The following TNK1 variants were observed in gnomAD, a reference collection of about 807,000 sequenced individuals.
TNK1 encodes tyrosine kinase non receptor 1.
TNK1 carries 53 observed loss-of-function variants against 65.2 expected under a neutral mutation model. That is an observed-to-expected ratio of 0.81 (90% CI 0.65 to 1.02). The LOEUF (loss-of-function observed/expected upper bound fraction) is 1.02, where lower values mean the gene tolerates loss of function less well. Ranked by LOEUF, TNK1 falls within the 50% of genes least tolerant of loss-of-function variation. TNK1 has a pLI of 0.00. For missense variants in TNK1, 837 were observed against 878.4 expected, an observed-to-expected ratio of 0.95 and a Z score of 0.60; for synonymous variants, 353 against 364.6, an observed-to-expected ratio of 0.97 and a Z score of 0.36.
rs1396364697 is a variant in TNK1, at chr17:7,382,604, G to A, written c.-91-232G>A. 6.6e-6 allele frequency among the ~76,000 whole-genome samples: 1 copy of A among 152,170 alleles called. No individual in the cohort carries two copies. The highest frequency in any genetic ancestry group is 1.5e-5 in the Non-Finnish European group (1 of 68,032). On this transcript the variant is annotated intron_variant, in intron 1 of 12. Transcript: ENST00000688331. The surrounding 1 kb of genome is among the most constrained non-coding windows in gnomAD (Gnocchi z 4.1). ...GGTGTCCGGGTGTGTGATGTGCCGT[G>A]ATATTTCAGAGTCAGGATGGTAACA...
rs757464729 is a variant in TNK1 at position 7,386,660 on chromosome 17, C to T, written c.1232+5C>T. The T allele has an allele frequency of 1.9e-6, 3 of 1,576,362 alleles. No homozygotes were observed. Among genetic ancestry groups the T allele is most frequent in the Non-Finnish European group, 2.6e-6 (3 of 1,160,436 alleles). Reference sequence around the variant, plus strand: ...CATCACAGTCATCGAGGGCAGGTGACAGTCCCATACCTCCCAAGCACCCTC... The same window carrying T: ...CATCACAGTCATCGAGGGCAGGTGATAGTCCCATACCTCCCAAGCACCCTC... On this transcript the variant is annotated splice_donor_5th_base_variant and intron_variant, in intron 8 of 12. Coordinates refer to ENST00000688331, the MANE Select transcript of TNK1 (RefSeq NM_003985.6).
chr17:7,387,277 T>C (rs748045697), intron 9 of TNK1, 101 bp from the exon 10 acceptor site: 8 of 1,497,580 alleles, frequency 5.3e-6, no homozygotes, highest in Non-Finnish European at 7.2e-6. Context: ...CCCTGGGCCC[T>C]GGGTCTCCTG....
chr17:7,388,479 A>C lies in TNK1; in HGVS notation c.1551A>C (p.Glu517Asp). ...RPTGGGSSPP[E>D]IRQARAVPQG... is the part of the protein sequence containing the mutation. ...CAGGGGGTGGTTCAAGCCCCCCTGAAATTCGACAAGCCAGAGCTGTGCCCC... is the reference window on the plus strand; with the variant it reads ...CAGGGGGTGGTTCAAGCCCCCCTGACATTCGACAAGCCAGAGCTGTGCCCC... Residue 517 changes from glutamate to aspartate, a missense_variant, in exon 11 of 13, where the codon GAA becomes GAC. Coordinates refer to ENST00000688331, the MANE Select transcript of TNK1 (RefSeq NM_003985.6). The surrounding 1 kb of genome is among the most constrained non-coding windows in gnomAD (Gnocchi z 4.5). 6.2e-7 allele frequency: 1 copy of C among 1,613,914 alleles called. No homozygotes were observed. The highest frequency in any genetic ancestry group is 8.5e-7 in the Non-Finnish European group (1 of 1,179,850).
chr17:7,389,428 G>A lies in TNK1; in HGVS notation c.*344G>A, dbSNP rs752706916. 1.4e-4 allele frequency: 63 copies of A among 459,068 alleles called. No individual in the cohort carries two copies. In the Middle Eastern group the frequency reaches 1.7e-3, roughly 12 times the overall value. The allele number at this position is 459,068 out of a possible 1,614,324, so 28.4% of individuals were successfully genotyped here. On this transcript the variant is annotated 3_prime_UTR_variant, in exon 13 of 13. Coordinates refer to ENST00000688331, the MANE Select transcript of TNK1 (RefSeq NM_003985.6). ...TCTACGCGCTAGAGAGGATCAAGGGGCCACACTGGACCATGTGAACAGCCA... is the reference window on the plus strand; with the variant it reads ...TCTACGCGCTAGAGAGGATCAAGGGACCACACTGGACCATGTGAACAGCCA...
intron 3 of TNK1, 41 bp from the exon 4 acceptor site, chr17:7,383,384 G>A: frequency 6.2e-7 from 1 of 1,613,890 alleles, no homozygotes; most frequent in Non-Finnish European, 8.5e-7. Context: ...AGGGAGGGGG[G>A]CGCAGGGCTC....
chr17:7,387,884 G>A (rs750816459), intron 10 of TNK1, among the ~76,000 whole-genome samples: 6 of 152,142 alleles, frequency 3.9e-5, no homozygotes, highest in Admixed American at 6.5e-5. Context: ...GATTACAGGC[G>A]TGAGACACTG....
rs765961361 is a variant in TNK1, at chr17:7,388,422, G to A, written c.1494G>A (p.Leu498=). The A allele has an allele frequency of 6.2e-7, 1 of 1,610,122 alleles. No individual in the cohort carries two copies. The highest frequency in any genetic ancestry group is 1.1e-5 in the South Asian group (1 of 90,832). ...LERMKGISRS[L]ESVLSLGPRP... is the part of the protein sequence containing the mutation. ...ACTGTGCAGGCATTTCCAGGAGTCTGGAGTCAGTTCTGTCCCTCGGTCCTC... is the reference window on the plus strand; with the variant it reads ...ACTGTGCAGGCATTTCCAGGAGTCTAGAGTCAGTTCTGTCCCTCGGTCCTC... Residue 498 remains leucine (L), a synonymous_variant, in exon 11 of 13, where the codon CTG becomes CTA. Coordinates refer to ENST00000688331, the MANE Select transcript of TNK1 (RefSeq NM_003985.6). This position sits in a 1 kb window ranked among gnomAD's most constrained non-coding sequence, Gnocchi z 4.5.
Position 7,386,633 on chromosome 17 carries a change from C to A in TNK1, c.1210C>A (p.Pro404Thr), listed in dbSNP as rs1325971285. The stretch of plus-strand genomic sequence containing the variant: ...CGCCCTGAGGATGGAGACTGGTGAC[C>A]CCATCACAGTCATCGAGGGCAGGTG... ...PGALRMETGD[P>T]ITVIEGSPDS... is the part of the protein sequence containing the mutation. Residue 404 changes from proline (P) to threonine (T), a missense_variant, in exon 8 of 13, where the codon CCC becomes ACC. Coordinates refer to ENST00000688331, the MANE Select transcript of TNK1 (RefSeq NM_003985.6). The A allele has an allele frequency of 6.3e-7, 1 of 1,597,840 alleles. No individual in the cohort carries two copies. Among genetic ancestry groups the A allele is most frequent in the South Asian group, 1.1e-5 (1 of 88,016 alleles).
chr17:7,384,781 C>T, intron 7 of TNK1, 27 bp downstream of exon 7: 4 of 1,554,764 alleles, frequency 2.6e-6, no homozygotes, highest in Non-Finnish European at 3.5e-6. Flanking sequence ...TCACCAGATA[C>T]ACAGTCCCTC....
rs527619972 is a variant in TNK1, at chr17:7,385,364, CA to C, written c.1137+624del. On this transcript the variant is annotated intron_variant, in intron 7 of 12. Transcript: ENST00000688331. The stretch of plus-strand genomic sequence containing the variant: ...TGGGCAAAAAGAGCGAACTCCGTCT[CA>C]AAAAAAAAAAAAAGAAGAAGAAGAA... 1.6e-3 allele frequency among the ~76,000 whole-genome samples: 205 copies of C among 130,638 alleles called. 2 individuals are homozygous for C. The highest frequency in any genetic ancestry group is 3.4e-3 in the African/African-American group (115 of 33,766). The allele number at this position is 130,638 out of a possible 152,430, so 85.7% of individuals were successfully genotyped here. A position where few individuals can be genotyped will look rare whatever the true frequency, so the allele number is the denominator to read the frequency against.
Position 7,383,990 on chromosome 17 carries a change from G to C in TNK1, c.603G>C (p.Leu201=). Residue 201 remains leucine (L), a synonymous_variant, in exon 6 of 13, where the codon CTG becomes CTC. Coordinates refer to ENST00000688331, the MANE Select transcript of TNK1 (RefSeq NM_003985.6). ...TGCAGGTGATGGAGCTGGCGCCACTGGGCTCCCTGCACGCGCGCCTAACGG... is the reference window on the plus strand; with the variant it reads ...TGCAGGTGATGGAGCTGGCGCCACTCGGCTCCCTGCACGCGCGCCTAACGG... ...PLQMVMELAP[L]GSLHARLTAP... 1 of 1,497,016 alleles carries C rather than the reference G, an allele frequency of 6.7e-7. No individual in the cohort carries two copies. The allele number at this position is 1,497,016 out of a possible 1,614,324, so 92.7% of individuals were successfully genotyped here.
Position 7,388,709 on chromosome 17 carries a change from G to C in TNK1, c.1776+5G>C. Reference sequence around the variant, plus strand: ...TTGCAGAGGAAGATTATGGAGGTGAGGTCTCACTGAAATGGCCTGGTGTCC... The same window carrying C: ...TTGCAGAGGAAGATTATGGAGGTGACGTCTCACTGAAATGGCCTGGTGTCC... On this transcript the variant is annotated splice_donor_5th_base_variant and intron_variant, in intron 11 of 12. Coordinates refer to ENST00000688331, the MANE Select transcript of TNK1 (RefSeq NM_003985.6). This position sits in a 1 kb window ranked among gnomAD's most constrained non-coding sequence, Gnocchi z 4.5. The C allele has an allele frequency of 6.2e-7, 1 of 1,611,504 alleles. No individual in the cohort carries two copies. Among genetic ancestry groups the C allele is most frequent in the Non-Finnish European group, 8.5e-7 (1 of 1,178,500 alleles).
chr17:7,386,518 C>A, intron 7 of TNK1, 43 bp from the exon 8 acceptor site: 1 of 1,495,702 alleles, frequency 6.7e-7, no homozygotes. Context: ...ACCTATCTGA[C>A]TCAGGCCACA....
rs868057068 is a variant in TNK1, at chr17:7,386,842, G to C, written c.1233-148G>C. 27 of 1,215,872 alleles carry C rather than the reference G, an allele frequency of 2.2e-5. No homozygotes were observed. In the African/African-American group the frequency reaches 4.0e-4, roughly 18 times the overall value. 75.3% of individuals were successfully genotyped at this position (1,215,872 alleles called of 1,614,324 possible). ...CTGCTGGAGCCACTGCTGGCCCATA[G>C]AGCCTTATTGCATTAGGGAAAAGGC... On this transcript the variant is annotated intron_variant, in intron 8 of 12. Transcript: ENST00000688331.
chr17:7,385,353 G>GA lies in TNK1; in HGVS notation c.1137+601dup, dbSNP rs560281686. On this transcript the variant is annotated intron_variant, in intron 7 of 12. Transcript: ENST00000688331. ...GCACTCCAGCCTGGGCAAAAAGAGC[G>GA]AACTCCGTCTCAAAAAAAAAAAAAA... 9.3e-3 allele frequency among the ~76,000 whole-genome samples: 1,153 copies of GA among 124,036 alleles called. 13 individuals are homozygous for GA. Among genetic ancestry groups the GA allele is most frequent in the African/African-American group, 0.03 (1,058 of 35,626 alleles). The allele number at this position is 124,036 out of a possible 152,430, so 81.4% of individuals were successfully genotyped here.
At chr17:7,385,091 G>C (rs1567646556) in intron 7 of TNK1, among the ~76,000 whole-genome samples, 1 of 152,286 alleles carries the variant, frequency 6.6e-6, no homozygotes, top group East Asian at 1.9e-4. Flanking sequence ...CAGGCCGGGC[G>C]CGGTGGCTCA....
intron 1 of TNK1, among the ~76,000 whole-genome samples, chr17:7,381,447 C>A (rs761996851): frequency 1.6e-4 from 25 of 152,180 alleles, no homozygotes; most frequent in Admixed American, 3.3e-4. Context: ...CAGGAGTGTG[C>A]TAGGGAAAGT....
chr17:7,386,939 C>A, intron 8 of TNK1, 51 bp from the exon 9 acceptor site: 1 of 1,497,720 alleles, frequency 6.7e-7, no homozygotes, highest in Non-Finnish European at 9.0e-7. Flanking sequence ...AGGGCCCAGC[C>A]CTAACTCTTG....
In TNK1 at chr17:7,384,754, G is replaced by A. The variant is rs1156742058; in HGVS notation, c.1137G>A (p.Glu379=). 6.4e-7 allele frequency: 1 copy of A among 1,572,316 alleles called. No individual in the cohort carries two copies. The highest frequency in any genetic ancestry group is 1.2e-5 in the South Asian group (1 of 86,200). Residue 379 remains glutamate, a splice_region_variant and synonymous_variant, in exon 7 of 13, where the codon GAG becomes GAA. Transcript: ENST00000688331. ...CCCACCTGGAGGGGCTGCTGCAAGA[G>A]GTGGGAACCCCCGACCTCACCAGAT... ...SFSHLEGLLQ[E]AGPSEACCVR... is the part of the protein sequence containing the mutation.
Sources: allele counts gnomAD v4.1 joint callset (sites outside exome capture counted in the v4.1 genomes callset), GRCh38; gene constraint gnomAD v4.1.1; non-coding constraint Gnocchi (gnomAD v3.1); transcripts MANE v1.5; gene names NCBI Gene and HGNC (gene_info 2026-07-23, HGNC 2026-07-21).